The following BTG4 variants were observed in gnomAD, a reference collection of about 807,000 sequenced individuals.
BTG4 encodes protein BTG4.
A neutral mutation model predicts 19.3 loss-of-function variants in BTG4; 10 were observed. That is an observed-to-expected ratio of 0.52 (90% CI 0.32 to 0.88). BTG4 has a LOEUF of 0.88. Ranked by LOEUF, BTG4 falls within the 40% of genes least tolerant of loss-of-function variation. The probability of loss-of-function intolerance (pLI) is 0.04; values close to 1 mark genes in which losing one functional copy is unlikely to be tolerated. For missense variants in BTG4, 238 were observed against 281.9 expected, an observed-to-expected ratio of 0.84 and a Z score of 1.11; for synonymous variants, 91 against 95.7, an observed-to-expected ratio of 0.95 and a Z score of 0.29.
downstream of BTG4, among the ~76,000 whole-genome samples, chr11:111,493,514 C>T (rs1435639158): frequency 6.6e-6 from 1 of 152,194 alleles, no homozygotes; most frequent in Non-Finnish European, 1.5e-5. Flanking sequence ...ACACCCATTG[C>T]TGGTAGTCTT....
the BTG4 span, chr11:111,400,855 A>T: frequency 1.3e-5 from 2 of 152,164 alleles, no homozygotes. Flanking sequence ...TAGTCTTTCT[A>T]AAAACCCATA....
the BTG4 span, among the ~76,000 whole-genome samples, chr11:111,419,327 G>T: frequency 4.6e-5 from 7 of 152,324 alleles, no homozygotes; most frequent in East Asian, 1.3e-3. Context: ...GCCTGTAACT[G>T]CCTTCCTTCT....
chr11:111,422,560 T>C, the BTG4 span, among the ~76,000 whole-genome samples: 5 of 152,196 alleles, frequency 3.3e-5, no homozygotes, highest in Non-Finnish European at 5.9e-5. Context: ...ATGTGTCCTT[T>C]GACCTTTTTG....
At chr11:111,498,526 A>G (rs1865875373) in intron 2 of BTG4, 78 bp downstream of exon 2, 1 of 1,299,588 alleles carries the variant, frequency 7.7e-7, no homozygotes, top group Non-Finnish European at 1.1e-6. Context: ...GCAGAAAACA[A>G]GATCACTCCA....
downstream of BTG4, among the ~76,000 whole-genome samples, chr11:111,490,913 T>C (rs538569490): frequency 1.3e-5 from 2 of 152,366 alleles, no homozygotes; most frequent in South Asian, 2.1e-4. Context: ...TAAATGCCTA[T>C]GTTCACACAT....
At chr11:111,492,046 T>C (rs758122914), downstream of BTG4, among the ~76,000 whole-genome samples, 10 of 152,040 alleles carry the variant, frequency 6.6e-5, no homozygotes, top group Admixed American at 1.3e-4. Context: ...CCCTAGCACA[T>C]TGTGGAATTG....
In BTG4 at chr11:111,497,951, TA is replaced by T. The variant is rs763270055; in HGVS notation, c.311+46del. On this transcript the variant is annotated intron_variant, in intron 3 of 4. Coordinates refer to ENST00000692032, the MANE Select transcript of BTG4 (RefSeq NM_001367975.1). Reference sequence around the variant, plus strand: ...TGAAGGTATGTAAAGTTGTCTAACTTAAGGTTTCCAGGTATCACACAGCACA... The same window carrying T: ...TGAAGGTATGTAAAGTTGTCTAACTTAGGTTTCCAGGTATCACACAGCACA... 3.8e-5 allele frequency: 60 copies of T among 1,588,546 alleles called. No homozygotes were observed. In the African/African-American group the frequency reaches 4.4e-4, roughly 12 times the overall value.
chr11:111,438,744 TCCTTGGTGACC>T, the BTG4 span, among the ~76,000 whole-genome samples: 1 of 152,200 alleles, frequency 6.6e-6, no homozygotes. Flanking sequence ...TTTCCTCATC[TCCTTGGTGACC>T]CCATACATTA....
At chr11:111,434,485 A>G in the BTG4 span, among the ~76,000 whole-genome samples, 2,462 of 152,208 alleles carry the variant, frequency 0.016, 68 homozygotes, top group African/African-American at 0.057. Context: ...AACATGGCAC[A>G]TGTATACCTA....
intron 1 of BTG4, among the ~76,000 whole-genome samples, chr11:111,506,775 ACT>A (rs1246903389): frequency 6.6e-6 from 1 of 152,084 alleles, no homozygotes; most frequent in Non-Finnish European, 1.5e-5. Context: ...ATAGAATAAT[ACT>A]CTCTTATTAA....
chr11:111,479,785 A>G (rs1864620979), intron 5 of BTG4, among the ~76,000 whole-genome samples: 1 of 152,132 alleles, frequency 6.6e-6, no homozygotes, highest in Admixed American at 6.6e-5. Flanking sequence ...TAACACTGGT[A>G]GACTGTGGCA....
At chr11:111,452,818 A>G in the BTG4 span, among the ~76,000 whole-genome samples, 12,986 of 152,202 alleles carry the variant, frequency 0.085, 764 homozygotes, top group Middle Eastern at 0.15. Context: ...CTCCCTGGAG[A>G]GGGTGGAGGT....
intron 5 of BTG4, among the ~76,000 whole-genome samples, chr11:111,486,132 G>T (rs941328994): frequency 6.6e-6 from 1 of 152,128 alleles, no homozygotes; most frequent in South Asian, 2.1e-4. Context: ...GGACCTAAAG[G>T]CTTCACTGCT....
At chr11:111,453,372 G>A in the BTG4 span, 4 of 426,484 alleles carry the variant, frequency 9.4e-6, no homozygotes, top group South Asian at 1.7e-5. Context: ...CCCTCAGCTC[G>A]CCCTTCCCTT....
At chr11:111,454,240 G>A in the BTG4 span, 3 of 455,142 alleles carry the variant, frequency 6.6e-6, no homozygotes, top group African/African-American at 2.0e-5. Flanking sequence ...CCACAGGTGG[G>A]AGCTGGGAGG....
At chr11:111,396,621 C>T in the BTG4 span, among the ~76,000 whole-genome samples, 4 of 152,250 alleles carry the variant, frequency 2.6e-5, no homozygotes, top group Admixed American at 6.5e-5. Flanking sequence ...CATGCTATTC[C>T]CGCCCTCAAT....
the BTG4 span, among the ~76,000 whole-genome samples, chr11:111,420,639 C>T: frequency 6.6e-6 from 1 of 152,244 alleles, no homozygotes. Flanking sequence ...GAACAAGAAA[C>T]AGCATTCAAC....
At chr11:111,456,171 G>T in the BTG4 span, among the ~76,000 whole-genome samples, 13 of 152,208 alleles carry the variant, frequency 8.5e-5, no homozygotes, top group Non-Finnish European at 1.6e-4. This position sits in a 1 kb window ranked among gnomAD's most constrained non-coding sequence, Gnocchi z 4.2. Context: ...CCTGGCAGAT[G>T]AAGGCAAACG....
At chr11:111,504,367 T>C (rs1372356220) in intron 1 of BTG4, among the ~76,000 whole-genome samples, 1 of 152,120 alleles carries the variant, frequency 6.6e-6, no homozygotes, top group Non-Finnish European at 1.5e-5. Context: ...CATACAATGT[T>C]GATTTGAACT....
Sources: gnomAD v4.1 joint callset for allele counts (sites outside exome capture counted in the v4.1 genomes callset) on GRCh38, gnomAD v4.1.1 for gene constraint, Gnocchi (gnomAD v3.1) non-coding constraint, MANE v1.5 for transcripts, NCBI Gene and HGNC (gene_info 2026-07-23, HGNC 2026-07-21) for gene names.